The following GABRA2 variants were observed in gnomAD, a reference collection of about 807,000 sequenced individuals.
GABRA2 encodes the protein gamma-aminobutyric acid receptor subunit alpha-2.
Under a neutral mutation model 48.7 loss-of-function variants are expected in GABRA2, and 16 were observed. The observed-to-expected ratio is 0.33, with a 90% CI of 0.22 to 0.50. GABRA2 has a LOEUF of 0.50. Ranked by LOEUF, GABRA2 falls within the 20% of genes least tolerant of loss-of-function variation. The pLI is 0.98. For synonymous variants in GABRA2, 185 were observed against 184.5 expected, an observed-to-expected ratio of 1.00 and a Z score of -0.02; for missense variants, 275 against 535.6, an observed-to-expected ratio of 0.51 and a Z score of 4.80.
At chr4:46,312,367 T>C in intron 5 of GABRA2, 129 bp downstream of exon 5, 1 of 590,926 alleles carries the variant, frequency 1.7e-6, no homozygotes, top group Non-Finnish European at 3.0e-6. Flanking sequence ...CAAAGCATAT[T>C]ATTGGTACTT....
In GABRA2 at chr4:46,250,211, T is replaced by C; in HGVS notation, c.*97A>G. The C allele has an allele frequency of 1.0e-6, 1 of 1,003,698 alleles. No individual in the cohort carries two copies. The highest frequency in any genetic ancestry group is 2.1e-5 in the Admixed American group (1 of 46,728). 62.2% of individuals were successfully genotyped at this position (1,003,698 alleles called of 1,614,324 possible). A position where few individuals can be genotyped will look rare whatever the true frequency, so the allele number is the denominator to read the frequency against. On this transcript the variant is annotated 3_prime_UTR_variant, in exon 10 of 10. Coordinates refer to ENST00000381620, the MANE Select transcript of GABRA2 (RefSeq NM_000807.4). Reference sequence around the variant, plus strand: ...TGTCACTATATACATACTGTACATGTTGGATCACAAATTAGCAGTTATTAG... The same window carrying C: ...TGTCACTATATACATACTGTACATGCTGGATCACAAATTAGCAGTTATTAG...
intron 4 of GABRA2, among the ~76,000 whole-genome samples, chr4:46,329,555 G>C (rs1029727930): frequency 5.3e-5 from 8 of 152,052 alleles, no homozygotes; most frequent in Admixed American, 1.3e-4. Flanking sequence ...AGAGGGAAAG[G>C]GTGTTCTTTC....
At chr4:46,318,008 C>A (rs1728830313) in intron 4 of GABRA2, among the ~76,000 whole-genome samples, 1 of 151,658 alleles carries the variant, frequency 6.6e-6, no homozygotes, top group Admixed American at 6.6e-5. Context: ...ATATGAACAT[C>A]ATAATTCACT....
At chr4:46,289,912 T>TTATTTATTTATTTATTTTTA (rs1560482683) in intron 8 of GABRA2, among the ~76,000 whole-genome samples, 8 of 143,796 alleles carry the variant, frequency 5.6e-5, no homozygotes, top group African/African-American at 2.1e-4. Flanking sequence ...TATTTATTTT[T>TTATTTATTTATTTATTTTTA]ATTTTTTTTT....
At chr4:46,301,303 A>T (rs899317522) in intron 8 of GABRA2, among the ~76,000 whole-genome samples, 2 of 152,200 alleles carry the variant, frequency 1.3e-5, no homozygotes, top group African/African-American at 4.8e-5. Flanking sequence ...CATGTCAATC[A>T]ACCTCAACAA....
chr4:46,266,718 C>CTTTTTTTTTTTTT (rs35380341), intron 8 of GABRA2, among the ~76,000 whole-genome samples: 1 of 92,846 alleles, frequency 1.1e-5, no homozygotes, highest in East Asian at 3.2e-4. Flanking sequence ...CAAATATTCT[C>CTTTTTTTTTTTTT]TTTTTTTTTT....
rs1714177383 is a variant in GABRA2, at chr4:46,248,802, G to A, written c.*1506C>T. The A allele has an allele frequency of 6.6e-6, 1 of 151,258 alleles. No homozygotes were observed. The highest frequency in any genetic ancestry group is 2.4e-5 in the African/African-American group (1 of 41,292). The allele number at this position is 151,258 out of a possible 1,614,324, so 9.4% of individuals were successfully genotyped here. On this transcript the variant is annotated 3_prime_UTR_variant, in exon 10 of 10. Transcript: ENST00000381620. ...GTTTCTACAAAAACACCATCGTAAA[G>A]GTGCATGTTTTAGTAAAAGTCAACT... is the stretch of plus-strand genomic sequence containing the variant.
intron 8 of GABRA2, among the ~76,000 whole-genome samples, chr4:46,276,065 A>G (rs919236267): frequency 2.6e-5 from 4 of 152,166 alleles, no homozygotes; most frequent in African/African-American, 9.7e-5. Flanking sequence ...GCTTAAATGA[A>G]GAAAATAAAC....
intron 3 of GABRA2, among the ~76,000 whole-genome samples, chr4:46,359,752 CT>C (rs1303356108): frequency 6.6e-6 from 1 of 151,956 alleles, no homozygotes; most frequent in Non-Finnish European, 1.5e-5. Context: ...CCTGTCTCTA[CT>C]AAAAATATAA....
chr4:46,295,928 G>C (rs2109570373), intron 8 of GABRA2, among the ~76,000 whole-genome samples: 1 of 152,224 alleles, frequency 6.6e-6, no homozygotes, highest in Non-Finnish European at 1.5e-5. Context: ...ACACAGCATT[G>C]TCTCTCACCA....
In GABRA2 at chr4:46,266,766, G is replaced by A. The variant is rs117896357; in HGVS notation, c.857-4638C>T. Among the ~76,000 whole-genome samples, 85 of 127,486 alleles carry A rather than the reference G, an allele frequency of 6.7e-4. 1 individual carries two copies. In the East Asian group the frequency reaches 0.016, roughly 23 times the overall value. The allele number at this position is 127,486 out of a possible 152,430, so 83.6% of individuals were successfully genotyped here. On this transcript the variant is annotated intron_variant, in intron 8 of 9. Transcript: ENST00000381620. ...AGATGGAGTCTCAGTCTGTCACCCA[G>A]GCTAGAGGGCAGTGACATGGTCTCA...
Position 46,263,229 on chromosome 4 carries a change from T to TA in GABRA2, c.857-1102dup, listed in dbSNP as rs1333562938. Among the ~76,000 whole-genome samples, 3 of 152,142 alleles carry TA rather than the reference T, an allele frequency of 2.0e-5. No homozygotes were observed. The South Asian group carries it at 6.2e-4, about 32-fold the overall frequency. ...TATCATCAAAATGTTAGTAAAACTT[T>TA]AAAAAATTGATACTCTCCTGGTATT... is the stretch of plus-strand genomic sequence containing the variant. On this transcript the variant is annotated intron_variant, in intron 8 of 9. Transcript: ENST00000381620.
At chr4:46,378,294 T>C (rs1716249587) in intron 3 of GABRA2, among the ~76,000 whole-genome samples, 1 of 152,082 alleles carries the variant, frequency 6.6e-6, no homozygotes, top group African/African-American at 2.4e-5. Flanking sequence ...GTGGGAGACT[T>C]TTCATTTTGT....
intron 4 of GABRA2, among the ~76,000 whole-genome samples, chr4:46,318,454 T>C (rs1017888837): frequency 6.6e-6 from 1 of 151,586 alleles, no homozygotes; most frequent in Non-Finnish European, 1.5e-5. Context: ...GCATAGCCAC[T>C]AAGTACAAGA....
chr4:46,383,602 A>C (rs1717051088), intron 3 of GABRA2, among the ~76,000 whole-genome samples: 1 of 152,220 alleles, frequency 6.6e-6, no homozygotes, highest in Non-Finnish European at 1.5e-5. Context: ...AATGGTAATA[A>C]ATCATATATG....
chr4:46,357,675 T>C (rs1345436651), intron 3 of GABRA2, among the ~76,000 whole-genome samples: 1 of 149,532 alleles, frequency 6.7e-6, no homozygotes, highest in Non-Finnish European at 1.5e-5. Flanking sequence ...TCTTTTTTTT[T>C]TTTTTTTTGA....
chr4:46,279,724 A>G (rs1354754040), intron 8 of GABRA2, among the ~76,000 whole-genome samples: 1 of 152,128 alleles, frequency 6.6e-6, no homozygotes, highest in Non-Finnish European at 1.5e-5. Flanking sequence ...CCCTTTAAAT[A>G]GTCCAACTCA....
intron 9 of GABRA2, among the ~76,000 whole-genome samples, chr4:46,252,734 A>T (rs1715040573): frequency 6.6e-6 from 1 of 151,484 alleles, no homozygotes; most frequent in South Asian, 2.1e-4. Context: ...TGTATATAAC[A>T]TATAGCGTTT....
chr4:46,380,141 C>G (rs912382785), intron 3 of GABRA2, among the ~76,000 whole-genome samples: 7 of 152,140 alleles, frequency 4.6e-5, no homozygotes, highest in Non-Finnish European at 1.0e-4. Context: ...TCATTTATAT[C>G]ATATAATGAG....
Sources: gnomAD v4.1 joint callset for allele counts (sites outside exome capture counted in the v4.1 genomes callset) on GRCh38, gnomAD v4.1.1 for gene constraint, MANE v1.5 for transcripts, NCBI Gene and HGNC (gene_info 2026-07-23, HGNC 2026-07-21) for gene names.